NPY: variants seen among roughly 807,000 people sequenced by gnomAD.
NPY encodes the protein pro-neuropeptide Y.
NPY carries 11 observed loss-of-function variants against 13.2 expected under a neutral mutation model. That is an observed-to-expected ratio of 0.83 (90% CI 0.52 to 1.38). The LOEUF (loss-of-function observed/expected upper bound fraction) is 1.38. Ranked by LOEUF, NPY falls within the 40% of genes most tolerant of loss-of-function variation. The pLI, the probability that NPY is intolerant of heterozygous loss-of-function variation, is 0.00. For missense variants in NPY, 109 were observed against 125.1 expected (o/e 0.87, Z 0.61); for synonymous variants, 51 against 55.6 (o/e 0.92, Z 0.37).
intron 3 of NPY, 41 bp downstream of exon 3, chr7:24,289,620 A>C: frequency 4.0e-5 from 62 of 1,534,576 alleles, no homozygotes; most frequent in Non-Finnish European, 5.3e-5. Flanking sequence ...TGCAGAGCTC[A>C]AGGTGCCCAG....
intron 2 of NPY, among the ~76,000 whole-genome samples, chr7:24,287,869 C>A (rs1192586535): frequency 6.6e-6 from 1 of 152,088 alleles, no homozygotes; most frequent in African/African-American, 2.4e-5. Flanking sequence ...ATGCTGGGAT[C>A]CACCCCTGAC....
intron 2 of NPY, among the ~76,000 whole-genome samples, chr7:24,288,373 ACAGT>A (rs1180770431): frequency 3.3e-5 from 5 of 152,250 alleles, no homozygotes; most frequent in African/African-American, 1.2e-4. Context: ...CAGCAAAAGA[ACAGT>A]CATAGAAAAT....
intron 2 of NPY, among the ~76,000 whole-genome samples, chr7:24,288,452 C>G (rs796751674): frequency 2.6e-5 from 4 of 152,124 alleles, no homozygotes; most frequent in African/African-American, 9.6e-5. Context: ...CAGCTTTGTT[C>G]AGTTGTTGGA....
Position 24,289,464 on chromosome 7 carries a change from T to A in NPY, c.189-35T>A, listed in dbSNP as rs1221119111. On this transcript the variant is annotated intron_variant, in intron 2 of 3. Transcript: ENST00000242152. ...TTTTCCTAAAGGTTTTTATGCCTATTCCAAACTTGCTTTAAAAGACTTTTT... is the reference window on the plus strand; with the variant it reads ...TTTTCCTAAAGGTTTTTATGCCTATACCAAACTTGCTTTAAAAGACTTTTT... 3 of 1,522,652 alleles carry A rather than the reference T, an allele frequency of 2.0e-6. No homozygotes were observed. In the African/African-American group the frequency reaches 4.1e-5, roughly 21 times the overall value. The allele number at this position is 1,522,652 out of a possible 1,614,324, so 94.3% of individuals were successfully genotyped here.
Position 24,285,168 on chromosome 7 carries a change from G to A in NPY, c.1-73G>A, listed in dbSNP as rs1787314229. On this transcript the variant is annotated intron_variant, in intron 1 of 3. Transcript: ENST00000242152. This position sits in a 1 kb window ranked among gnomAD's most constrained non-coding sequence, Gnocchi z 4.9. ...GGTAGCAGGAGGAGGAGCGCGGGGG[G>A]CAGAGGAGGGAGGTGCTGCGCGTGG... 27 of 1,484,422 alleles carry A rather than the reference G, an allele frequency of 1.8e-5. 1 individual carries two copies. In the South Asian group the frequency reaches 2.8e-4, roughly 15 times the overall value. 92.0% of individuals were successfully genotyped at this position (1,484,422 alleles called of 1,614,324 possible). A position where few individuals can be genotyped will look rare whatever the true frequency, so the allele number is the denominator to read the frequency against.
intron 3 of NPY, among the ~76,000 whole-genome samples, chr7:24,291,394 T>C (rs1171656416): frequency 6.6e-6 from 1 of 152,212 alleles, no homozygotes; most frequent in Non-Finnish European, 1.5e-5. Flanking sequence ...TCGGCTCCTT[T>C]GATACATACA....
At chr7:24,288,708 A>G (rs1025631976) in intron 2 of NPY, among the ~76,000 whole-genome samples, 2 of 144,686 alleles carry the variant, frequency 1.4e-5, no homozygotes, top group African/African-American at 2.6e-5. Flanking sequence ...AAAAAAAAAA[A>G]AGAACATTTC....
intron 2 of NPY, among the ~76,000 whole-genome samples, chr7:24,287,441 C>A (rs1471693563): frequency 6.7e-6 from 1 of 150,346 alleles, no homozygotes; most frequent in Non-Finnish European, 1.5e-5. Context: ...ATCTTTCTTT[C>A]CCCCCGCCCC....
At chr7:24,284,949 G>A in intron 1 of NPY, 1 of 511,454 alleles carries the variant, frequency 2.0e-6, no homozygotes, top group Non-Finnish European at 3.5e-6. Flanking sequence ...ATGCTAAACT[G>A]GCGGGGCCCC....
In NPY at chr7:24,285,528, T is replaced by C. The variant is rs1245321373; in HGVS notation, c.188+100T>C. On this transcript the variant is annotated intron_variant, in intron 2 of 3. Transcript: ENST00000242152. The surrounding 1 kb of genome is among the most constrained non-coding windows in gnomAD (Gnocchi z 4.9). ...AGGGATTGTTTCTTTTCCTTCGCTC[T>C]ATCCCAGGGCAGGACAGTATCAGGC... 7 of 1,253,112 alleles carry C rather than the reference T, an allele frequency of 5.6e-6. No individual in the cohort carries two copies. Among genetic ancestry groups the C allele is most frequent in the Non-Finnish European group, 6.7e-6 (6 of 899,688 alleles). The allele number at this position is 1,253,112 out of a possible 1,614,324, so 77.6% of individuals were successfully genotyped here.
Position 24,289,484 on chromosome 7 carries a change from C to CTTT in NPY, c.189-7_189-5dup. On this transcript the variant is annotated splice_polypyrimidine_tract_variant and intron_variant, in intron 2 of 3. Transcript: ENST00000242152. ...CCTATTCCAAACTTGCTTTAAAAGA[C>CTTT]TTTTTTTTTTCCAGATATGGAAAAC... 8.8e-6 allele frequency: 12 copies of CTTT among 1,369,892 alleles called. No homozygotes were observed. The highest frequency in any genetic ancestry group is 2.7e-5 in the South Asian group (2 of 73,526). 84.9% of individuals were successfully genotyped at this position (1,369,892 alleles called of 1,614,324 possible). A position where few individuals can be genotyped will look rare whatever the true frequency, so the allele number is the denominator to read the frequency against.
At position 24,285,053 on chromosome 7, in the gene NPY, C is replaced by T; in HGVS notation, c.1-188C>T. 2 of 627,778 alleles carry T rather than the reference C, an allele frequency of 3.2e-6. No individual in the cohort carries two copies. The highest frequency in any genetic ancestry group is 5.6e-6 in the Non-Finnish European group (2 of 359,512). The allele number at this position is 627,778 out of a possible 1,614,324, so 38.9% of individuals were successfully genotyped here. ...GTGGAGCAGAGGGGCAGGTCCCGACCGGACGGCGCCCGGAGCCCGCAAGGT... is the reference window on the plus strand; with the variant it reads ...GTGGAGCAGAGGGGCAGGTCCCGACTGGACGGCGCCCGGAGCCCGCAAGGT... On this transcript the variant is annotated intron_variant, in intron 1 of 3. Transcript: ENST00000242152. The surrounding 1 kb of genome is among the most constrained non-coding windows in gnomAD (Gnocchi z 4.9).
chr7:24,290,237 G>C (rs1456264256), intron 3 of NPY, among the ~76,000 whole-genome samples: 1 of 152,112 alleles, frequency 6.6e-6, no homozygotes, highest in Non-Finnish European at 1.5e-5. Flanking sequence ...GTTAAACATT[G>C]AGCTAAGGTT....
Position 24,291,664 on chromosome 7 carries a change from C to A in NPY, c.271C>A (p.Leu91Ile). ...TGCTTTGCTTCTTATGTTTTACAGG[C>A]TTGAAGACCCTGCAATGTGGTGATG... is the stretch of plus-strand genomic sequence containing the variant. ...ESTENVPRTR[L>I]EDPAMW is the part of the protein sequence containing the mutation. The change falls in exon 4 of 4, where the codon CTT becomes ATT. Residue 91 changes from leucine to isoleucine, a missense_variant and splice_region_variant. Coordinates refer to ENST00000242152, the MANE Select transcript of NPY (RefSeq NM_000905.4). 1 of 1,614,100 alleles carries A rather than the reference C, an allele frequency of 6.2e-7. No homozygotes were observed. Among genetic ancestry groups the A allele is most frequent in the Non-Finnish European group, 8.5e-7 (1 of 1,179,984 alleles).
rs763205053 is a variant in NPY, at chr7:24,285,443, G to A, written c.188+15G>A. 5.6e-5 allele frequency: 90 copies of A among 1,605,226 alleles called. No homozygotes were observed. The highest frequency in any genetic ancestry group is 2.7e-4 in the East Asian group (12 of 44,606). On this transcript the variant is annotated intron_variant, in intron 2 of 3. Transcript: ENST00000242152. The surrounding 1 kb of genome is among the most constrained non-coding windows in gnomAD (Gnocchi z 4.9). ...ACCAGGCAGAGGTGGGTGGGACCGC[G>A]GGACCGATTCCGGGAGCGCCAGTGC...
chr7:24,289,696 T>C (rs527289881), intron 3 of NPY, 117 bp downstream of exon 3: 33 of 614,998 alleles, frequency 5.4e-5, no homozygotes, highest in Non-Finnish European at 7.4e-5. Context: ...AGGGGAGATT[T>C]CGGCAGAAAT....
At chr7:24,289,474 C>G (rs1243182029) in intron 2 of NPY, 25 bp from the exon 3 acceptor site, 2 of 1,571,426 alleles carry the variant, frequency 1.3e-6, no homozygotes, top group Non-Finnish European at 1.7e-6. Context: ...TCCAAACTTG[C>G]TTTAAAAGAC....
rs1315385681 is a variant in NPY at position 24,289,523 on chromosome 7, GAC to G, written c.216_217del (p.Leu73AspfsTer19). 1.9e-6 allele frequency: 3 copies of G among 1,609,434 alleles called. No homozygotes were observed. Among genetic ancestry groups the G allele is most frequent in the Non-Finnish European group, 2.5e-6 (3 of 1,177,932 alleles). Reference protein sequence around the residue: ...QRYGKRSSPETLISDLLMRES... With the variant: ...QRYGKRSSPEXLISDLLMRES... Reference sequence around the variant, plus strand: ...GATATGGAAAACGATCCAGCCCAGAGACACTGATTTCAGACCTCTTGATGAGA... The same window carrying G: ...GATATGGAAAACGATCCAGCCCAGAGACTGATTTCAGACCTCTTGATGAGA... On this transcript the variant is annotated frameshift_variant, in exon 3 of 4. Transcript: ENST00000242152. LOFTEE classifies it high-confidence loss of function.
chr7:24,290,716 G>A (rs1310304043), intron 3 of NPY, among the ~76,000 whole-genome samples: 2 of 150,232 alleles, frequency 1.3e-5, no homozygotes, highest in African/African-American at 4.9e-5. Flanking sequence ...GCAAATGCAA[G>A]GGAAACAGGC....
Sources: allele counts gnomAD v4.1 joint callset (sites outside exome capture counted in the v4.1 genomes callset), GRCh38; gene constraint gnomAD v4.1.1; non-coding constraint Gnocchi (gnomAD v3.1); transcripts MANE v1.5; gene names NCBI Gene and HGNC (gene_info 2026-07-23, HGNC 2026-07-21).